Variants in DENND5B observed in about 807,000 individuals in gnomAD.
DENND5B encodes DENN domain containing 5B, also known as DENN domain-containing protein 5B.
Under a neutral mutation model 140.6 loss-of-function variants are expected in DENND5B, and 34 were observed. The observed-to-expected ratio is 0.24, with a 90% CI of 0.18 to 0.32. The LOEUF is 0.32. DENND5B is among the 10% of genes least tolerant of loss of function. DENND5B has a pLI of 1.00. For synonymous variants in DENND5B, 551 were observed against 562.1 expected, an observed-to-expected ratio of 0.98 and a Z score of 0.28; for missense variants, 1,142 against 1,560.2, an observed-to-expected ratio of 0.73 and a Z score of 4.52.
intron 1 of DENND5B, among the ~76,000 whole-genome samples, chr12:31,523,173 C>T (rs1947964628): frequency 6.6e-6 from 1 of 151,896 alleles, no homozygotes; most frequent in Admixed American, 6.6e-5. Context: ...ATCATCCCAC[C>T]CGAACCTCCC....
In DENND5B at chr12:31,580,927, C is replaced by T. The variant is rs151291092; in HGVS notation, c.127+9779G>A. Among the ~76,000 whole-genome samples, 1,039 of 151,734 alleles carry T rather than the reference C, an allele frequency of 6.8e-3. 14 individuals are homozygous for T. Among genetic ancestry groups the T allele is most frequent in the African/African-American group, 0.024 (995 of 41,362 alleles). ...TCAAGACCACCCTGGGCAACACAGA[C>T]CCCATCTCTACAAAAAAAATTTTTT... On this transcript the variant is annotated intron_variant, in intron 1 of 20. Coordinates refer to ENST00000389082, the MANE Select transcript of DENND5B (RefSeq NM_144973.4).
intron 1 of DENND5B, among the ~76,000 whole-genome samples, chr12:31,556,753 A>T (rs770554817): frequency 3.3e-5 from 5 of 152,226 alleles, no homozygotes; most frequent in Non-Finnish European, 7.3e-5. Flanking sequence ...TGTTTTCTTA[A>T]CAAAATACAC....
chr12:31,455,642 A>T (rs1335397497), intron 4 of DENND5B, among the ~76,000 whole-genome samples: 1 of 152,188 alleles, frequency 6.6e-6, no homozygotes, highest in Non-Finnish European at 1.5e-5. Flanking sequence ...TCAACACCTC[A>T]ATCTGACATT....
At chr12:31,413,678 T>C in intron 12 of DENND5B, 114 bp from the exon 13 acceptor site, 2 of 1,144,786 alleles carry the variant, frequency 1.7e-6, no homozygotes, top group Middle Eastern at 2.1e-4. Context: ...AAGGGAGCAA[T>C]GGATAATATA....
At chr12:31,420,415 AAC>A (rs1942965444) in intron 11 of DENND5B, among the ~76,000 whole-genome samples, 1 of 151,344 alleles carries the variant, frequency 6.6e-6, no homozygotes, top group Non-Finnish European at 1.5e-5. Flanking sequence ...GGGATTACAG[AAC>A]TGGGTCACCA....
intron 17 of DENND5B, 84 bp downstream of exon 17, chr12:31,398,091 T>C (rs1941582735): frequency 7.7e-7 from 1 of 1,290,884 alleles, no homozygotes; most frequent in South Asian, 1.5e-5. Flanking sequence ...CCTCACTACA[T>C]TCATTAACAC....
chr12:31,577,987 T>G (rs1950075931), intron 1 of DENND5B, among the ~76,000 whole-genome samples: 1 of 151,888 alleles, frequency 6.6e-6, no homozygotes. Context: ...TAGCCAGGCG[T>G]GGTAGCACAC....
At chr12:31,454,734 C>A (rs35430509) in intron 4 of DENND5B, among the ~76,000 whole-genome samples, 1 of 151,194 alleles carries the variant, frequency 6.6e-6, no homozygotes, top group Non-Finnish European at 1.5e-5. Context: ...TGAGCCACTG[C>A]GCCTGGCCGG....
intron 3 of DENND5B, among the ~76,000 whole-genome samples, chr12:31,474,855 C>A (rs923857495): frequency 3.3e-5 from 5 of 152,182 alleles, no homozygotes; most frequent in African/African-American, 7.2e-5. Flanking sequence ...TCTAGATTTA[C>A]ACAGCGCTTT....
At chr12:31,538,958 GTTTT>G (rs75708833) in intron 1 of DENND5B, among the ~76,000 whole-genome samples, 2 of 138,196 alleles carry the variant, frequency 1.4e-5, no homozygotes, top group African/African-American at 5.3e-5. Context: ...GAAACAAAAG[GTTTT>G]TTTTTTTTTG....
At chr12:31,402,353 A>T (rs1941849241) in intron 15 of DENND5B, 145 bp downstream of exon 15, 5 of 995,130 alleles carry the variant, frequency 5.0e-6, no homozygotes, top group Non-Finnish European at 5.7e-6. Flanking sequence ...AGACAACTTT[A>T]GACATATAAT....
chr12:31,551,971 C>A (rs1259391), intron 1 of DENND5B, among the ~76,000 whole-genome samples: 2 of 138,060 alleles, frequency 1.4e-5, no homozygotes, highest in Admixed American at 7.2e-5. Flanking sequence ...TGGGCTGAGA[C>A]GATGGGGTTT....
intron 1 of DENND5B, among the ~76,000 whole-genome samples, chr12:31,576,321 C>T (rs1950015775): frequency 6.6e-6 from 1 of 151,246 alleles, no homozygotes; most frequent in African/African-American, 2.4e-5. Context: ...AGCGTAGTGG[C>T]AGACGCCTGT....
In DENND5B at chr12:31,466,892, A is replaced by G. The variant is rs916569578; in HGVS notation, c.905-6511T>C. Among the ~76,000 whole-genome samples, 3 of 152,216 alleles carry G rather than the reference A, an allele frequency of 2.0e-5. No individual in the cohort carries two copies. In the South Asian group the frequency reaches 6.2e-4, roughly 31 times the overall value. On this transcript the variant is annotated intron_variant, in intron 3 of 20. Coordinates refer to ENST00000389082, the MANE Select transcript of DENND5B (RefSeq NM_144973.4). ...GCCTCATTCAGATAAATCAGTCAAA[A>G]TATCACACACCAAAGACAGAAAATC...
intron 2 of DENND5B, among the ~76,000 whole-genome samples, chr12:31,484,864 C>A (rs1222724872): frequency 6.6e-6 from 1 of 152,122 alleles, no homozygotes; most frequent in East Asian, 1.9e-4. Context: ...GTCGTCTTCT[C>A]TTATTCTACA....
chr12:31,528,824 G>A (rs753847369), intron 1 of DENND5B, among the ~76,000 whole-genome samples: 9 of 152,124 alleles, frequency 5.9e-5, no homozygotes, highest in Admixed American at 5.2e-4. Flanking sequence ...AGCTAGAGAG[G>A]TAGATTTAGG....
intron 2 of DENND5B, among the ~76,000 whole-genome samples, chr12:31,493,266 T>C (rs2138706618): frequency 6.6e-6 from 1 of 152,328 alleles, no homozygotes; most frequent in African/African-American, 2.4e-5. Context: ...AATATAAGAA[T>C]TCTCACTGGG....
chr12:31,552,650 C>A (rs1949114485), intron 1 of DENND5B, among the ~76,000 whole-genome samples: 1 of 152,170 alleles, frequency 6.6e-6, no homozygotes, highest in Non-Finnish European at 1.5e-5. Context: ...ACCAGCTCCT[C>A]CTTGTACCTA....
intron 1 of DENND5B, among the ~76,000 whole-genome samples, chr12:31,555,092 C>T (rs1268797311): frequency 2.6e-5 from 4 of 152,180 alleles, no homozygotes; most frequent in Non-Finnish European, 4.4e-5. Context: ...TGTTCCGTTG[C>T]TGGTGAGGAG....
Sources: gnomAD v4.1 joint callset for allele counts (sites outside exome capture counted in the v4.1 genomes callset) on GRCh38, gnomAD v4.1.1 for gene constraint, MANE v1.5 for transcripts, NCBI Gene and HGNC (gene_info 2026-07-23, HGNC 2026-07-21) for gene names.